The following WDR76 variants were observed in gnomAD, a reference collection of about 807,000 sequenced individuals.
The protein encoded by WDR76 is WD repeat domain 76.
WDR76 carries 52 observed loss-of-function variants against 70.2 expected under a neutral mutation model. The observed-to-expected ratio is 0.74, with a 90% confidence interval of 0.59 to 0.93. The LOEUF (loss-of-function observed/expected upper bound fraction) is 0.93, where lower values mean the gene tolerates loss of function less well. WDR76 is among the 40% of genes least tolerant of loss of function. The pLI, the probability that WDR76 is intolerant of heterozygous loss-of-function variation, is 0.00. For synonymous variants in WDR76, 292 were observed against 271.1 expected (o/e 1.08, Z -0.76); for missense variants, 756 against 760.2 (o/e 0.99, Z 0.07).
In WDR76 at chr15:43,828,384, A is replaced by C; in HGVS notation, c.462+18A>C. On this transcript the variant is annotated intron_variant, in intron 2 of 12. Transcript: ENST00000263795. Reference sequence around the variant, plus strand: ...CATCCCTGGTAAGAACTTAATTAGTAGCTTGTTCTGGTTTCTCTTTTTTGA... The same window carrying C: ...CATCCCTGGTAAGAACTTAATTAGTCGCTTGTTCTGGTTTCTCTTTTTTGA... 6.4e-7 allele frequency: 1 copy of C among 1,565,386 alleles called. No homozygotes were observed. The highest frequency in any genetic ancestry group is 8.6e-7 in the Non-Finnish European group (1 of 1,159,822).
chr15:43,851,140 A>G lies in WDR76; in HGVS notation c.1086A>G (p.Pro362=). The change falls in exon 9 of 13, where the codon CCA becomes CCG. Residue 362 remains proline (P), a synonymous_variant. Coordinates refer to ENST00000263795, the MANE Select transcript of WDR76 (RefSeq NM_024908.4). The part of the protein sequence containing the change: ...GVYVFHPHSQ[P]VSCLYFSPAN... ...ATGTTTTTCATCCCCATAGTCAGCC[A>G]GTTAGCTGTCTTTACTTCTCACCCG... is the stretch of plus-strand genomic sequence containing the variant. The G allele has an allele frequency of 1.2e-6, 2 of 1,614,140 alleles. No individual in the cohort carries two copies. The highest frequency in any genetic ancestry group is 2.7e-5 in the African/African-American group (2 of 75,052).
At chr15:43,854,534 C>A (rs1433070139) in intron 9 of WDR76, among the ~76,000 whole-genome samples, 1 of 152,120 alleles carries the variant, frequency 6.6e-6, no homozygotes, top group Non-Finnish European at 1.5e-5. Flanking sequence ...TGCATCACTG[C>A]GCTCCAGTCT....
chr15:43,848,273 G>T (rs1345501642), intron 8 of WDR76, among the ~76,000 whole-genome samples: 1 of 152,040 alleles, frequency 6.6e-6, no homozygotes, highest in Admixed American at 6.6e-5. Context: ...ACTGCAATAA[G>T]AAAGAAGCAG....
intron 9 of WDR76, 136 bp downstream of exon 9, chr15:43,851,381 A>G (rs1242289046): frequency 2.5e-6 from 3 of 1,211,516 alleles, no homozygotes; most frequent in African/African-American, 1.5e-5. Flanking sequence ...CCTAAGTTCA[A>G]ATCCCAGATC....
intron 7 of WDR76, among the ~76,000 whole-genome samples, chr15:43,843,614 CT>C (rs903516907): frequency 6.6e-6 from 1 of 151,114 alleles, no homozygotes; most frequent in Non-Finnish European, 1.5e-5. Context: ...GCTCAAAGGT[CT>C]TTTTTTTTCT....
intron 2 of WDR76, 101 bp downstream of exon 2, chr15:43,828,467 A>G: frequency 2.8e-6 from 3 of 1,057,588 alleles, no homozygotes; most frequent in Non-Finnish European, 4.0e-6. Flanking sequence ...CAAACAAGTT[A>G]TTTCATCATC....
intron 1 of WDR76, 83 bp downstream of exon 1, chr15:43,827,175 G>A (rs866710786): frequency 2.3e-5 from 36 of 1,574,444 alleles, no homozygotes; most frequent in South Asian, 1.9e-4. Flanking sequence ...CCAGGAGGTC[G>A]AGGGCACCTG....
chr15:43,827,071 C>T lies in WDR76; in HGVS notation c.39C>T (p.Ser13=). 6.2e-7 allele frequency: 1 copy of T among 1,614,122 alleles called. No homozygotes were observed. Residue 13 remains serine, a synonymous_variant, in exon 1 of 13, where the codon TCC becomes TCT. Transcript: ENST00000263795. ...RSGAAAEKAD[S]RQRPQMKVNE... is the part of the protein sequence containing the mutation. Reference sequence around the variant, plus strand: ...GCGCGGCGGCTGAGAAGGCGGACTCCAGACAGCGACCCCAGATGAAGGTGA... The same window carrying T: ...GCGCGGCGGCTGAGAAGGCGGACTCTAGACAGCGACCCCAGATGAAGGTGA...
rs765252152 is a variant in WDR76, at chr15:43,851,203, C to T, written c.1149C>T (p.Gly383=). The change falls in exon 9 of 13, where the codon GGC becomes GGT. Residue 383 remains glycine (G), a synonymous_variant. Coordinates refer to ENST00000263795, the MANE Select transcript of WDR76 (RefSeq NM_024908.4). ...PAHILSLSYD[G]TLRCGDFSRA... Reference sequence around the variant, plus strand: ...ACATACTGTCACTGAGCTATGATGGCACGTTACGCTGTGGGGATTTTTCCA... The same window carrying T: ...ACATACTGTCACTGAGCTATGATGGTACGTTACGCTGTGGGGATTTTTCCA... The T allele has an allele frequency of 1.9e-6, 3 of 1,614,138 alleles. No individual in the cohort carries two copies. Among genetic ancestry groups the T allele is most frequent in the African/African-American group, 2.7e-5 (2 of 75,018 alleles).
At chr15:43,848,590 C>G (rs568831778) in intron 8 of WDR76, among the ~76,000 whole-genome samples, 1 of 152,142 alleles carries the variant, frequency 6.6e-6, no homozygotes, top group Non-Finnish European at 1.5e-5. Flanking sequence ...TCTTGGCCCA[C>G]GGGAGTGGTA....
intron 2 of WDR76, among the ~76,000 whole-genome samples, chr15:43,834,087 C>G (rs12441984): frequency 0.16 from 23,916 of 151,870 alleles, 2,503 homozygotes; most frequent in African/African-American, 0.29. Flanking sequence ...TAAATTTAAG[C>G]CTTTTCATGG....
intron 9 of WDR76, among the ~76,000 whole-genome samples, chr15:43,856,029 A>T (rs2140310652): frequency 6.6e-6 from 1 of 152,252 alleles, no homozygotes; most frequent in East Asian, 1.9e-4. Context: ...CCTCTTCTTT[A>T]TACTAATGGC....
At chr15:43,855,061 T>C (rs2087912302) in intron 9 of WDR76, among the ~76,000 whole-genome samples, 1 of 152,220 alleles carries the variant, frequency 6.6e-6, no homozygotes, top group Non-Finnish European at 1.5e-5. Flanking sequence ...AAGTGATTAC[T>C]GTCCCCATAG....
At chr15:43,843,030 T>G (rs2087746238) in intron 7 of WDR76, among the ~76,000 whole-genome samples, 1 of 147,880 alleles carries the variant, frequency 6.8e-6, no homozygotes, top group Non-Finnish European at 1.5e-5. Context: ...TTTTTTTTTT[T>G]TTTTGTTTTT....
chr15:43,834,970 A>G, intron 2 of WDR76, 91 bp from the exon 3 acceptor site: 1 of 1,031,040 alleles, frequency 9.7e-7, no homozygotes. Context: ...GAAGTAAAGT[A>G]TTCATGTAGA....
intron 7 of WDR76, among the ~76,000 whole-genome samples, chr15:43,843,512 T>C (rs2087751328): frequency 1.3e-5 from 2 of 152,200 alleles, no homozygotes; most frequent in African/African-American, 2.4e-5. Flanking sequence ...TGATAGTGGA[T>C]TATTTCTTTA....
Position 43,829,016 on chromosome 15 carries a change from C to T in WDR76, c.462+650C>T, listed in dbSNP as rs576417647. ...CTCCCAGTTTTAATAGATTGTCCTG[C>T]TTCAGCCTCCTGAGTAGCTGGGATT... On this transcript the variant is annotated intron_variant, in intron 2 of 12. Coordinates refer to ENST00000263795, the MANE Select transcript of WDR76 (RefSeq NM_024908.4). 1.9e-3 allele frequency among the ~76,000 whole-genome samples: 295 copies of T among 151,858 alleles called. 1 individual carries two copies. The highest frequency in any genetic ancestry group is 5.2e-3 in the African/African-American group (214 of 41,374).
Position 43,851,076 on chromosome 15 carries a change from C to T in WDR76, c.1033-11C>T. On this transcript the variant is annotated splice_polypyrimidine_tract_variant and intron_variant, in intron 8 of 12. Transcript: ENST00000263795. ...TTTTTCTCTCTCCCCTTTCCCGCAA[C>T]TCTCTTCCAGACCCAGCAACCTAAA... The T allele has an allele frequency of 1.2e-6, 2 of 1,612,556 alleles. No homozygotes were observed. Among genetic ancestry groups the T allele is most frequent in the African/African-American group, 1.3e-5 (1 of 75,006 alleles).
chr15:43,827,692 G>C (rs2087533971), intron 1 of WDR76, among the ~76,000 whole-genome samples: 1 of 152,128 alleles, frequency 6.6e-6, no homozygotes, highest in African/African-American at 2.4e-5. Flanking sequence ...CTACAGGCGT[G>C]TGCCACTATG....
Sources: allele counts gnomAD v4.1 joint callset (sites outside exome capture counted in the v4.1 genomes callset), GRCh38; gene constraint gnomAD v4.1.1; transcripts MANE v1.5; gene names NCBI Gene and HGNC (gene_info 2026-07-23, HGNC 2026-07-21).